PPFIA1: variants seen among roughly 807,000 people sequenced by gnomAD.
PPFIA1 encodes the protein PPFI scaffold protein A1, also known as liprin-alpha-1.
Under a neutral mutation model 149.9 loss-of-function variants are expected in PPFIA1, and 25 were observed. The observed-to-expected ratio is 0.17, with a 90% CI of 0.12 to 0.23. The LOEUF is 0.23. PPFIA1 is among the 10% of genes least tolerant of loss of function. The pLI is 1.00. For missense variants in PPFIA1, 1,362 were observed against 1,506.5 expected (o/e 0.90, Z 1.59); for synonymous variants, 549 against 552.8 (o/e 0.99, Z 0.10).
intron 2 of PPFIA1, among the ~76,000 whole-genome samples, chr11:70,314,887 G>T (rs1399766410): frequency 6.6e-6 from 1 of 152,164 alleles, no homozygotes; most frequent in Non-Finnish European, 1.5e-5. Flanking sequence ...CCGCATGGCT[G>T]GGGAGGCCTC....
At chr11:70,337,510 T>C (rs1040794398) in intron 12 of PPFIA1, 83 bp downstream of exon 12, 2 of 1,070,018 alleles carry the variant, frequency 1.9e-6, no homozygotes, top group African/African-American at 1.7e-5. Flanking sequence ...TGTCTGACAG[T>C]GGAGAGCAGC....
At chr11:70,321,628 G>GAA (rs2053947683) in intron 2 of PPFIA1, among the ~76,000 whole-genome samples, 1 of 152,126 alleles carries the variant, frequency 6.6e-6, no homozygotes, top group South Asian at 2.1e-4. Flanking sequence ...AAAAGAAAAA[G>GAA]AAAAAGGAAG....
At chr11:70,330,021 A>T in intron 7 of PPFIA1, 152 bp from the exon 8 acceptor site, 3 of 633,796 alleles carry the variant, frequency 4.7e-6, no homozygotes, top group Non-Finnish European at 7.8e-6. Context: ...TGCTGTGATT[A>T]TAGGAGTGAG....
chr11:70,370,474 C>T, intron 21 of PPFIA1, among the ~76,000 whole-genome samples: 1 of 151,720 alleles, frequency 6.6e-6, no homozygotes. Context: ...GCAACCTCCA[C>T]CTCCTGGGTT....
intron 14 of PPFIA1, chr11:70,341,061 G>T (rs2055300663): frequency 2.9e-6 from 1 of 345,114 alleles, no homozygotes; most frequent in South Asian, 2.0e-5. Flanking sequence ...GTTCATTTGA[G>T]TGAGGTGCTG....
At chr11:70,353,548 A>G (rs1404668710) in intron 16 of PPFIA1, among the ~76,000 whole-genome samples, 1 of 152,202 alleles carries the variant, frequency 6.6e-6, no homozygotes, top group East Asian at 1.9e-4. Flanking sequence ...ACTGTTGTTA[A>G]CCACCATCCT....
At chr11:70,332,168 A>G in intron 9 of PPFIA1, 74 bp downstream of exon 9, 1 of 1,478,234 alleles carries the variant, frequency 6.8e-7, no homozygotes. Flanking sequence ...CTTGTTTGTC[A>G]CTGTTCTTAT....
intron 2 of PPFIA1, among the ~76,000 whole-genome samples, chr11:70,315,206 T>C (rs1440661524): frequency 6.6e-6 from 1 of 152,228 alleles, no homozygotes; most frequent in African/African-American, 2.4e-5. Context: ...ACGCAAATAT[T>C]GTCCAGTGAT....
rs2056332252 is a variant in PPFIA1 at position 70,355,820 on chromosome 11, GT to G, written c.2488+13del. The G allele has an allele frequency of 6.2e-7, 1 of 1,604,834 alleles. No homozygotes were observed. Among genetic ancestry groups the G allele is most frequent in the African/African-American group, 1.3e-5 (1 of 74,446 alleles). On this transcript the variant is annotated intron_variant, in intron 18 of 27. Transcript: ENST00000253925. ...AGAAGCATTAGGACAAGGTTGGTTG[GT>G]TTTCCGCACCCTTCTCAGCACCCAG... is the stretch of plus-strand genomic sequence containing the variant.
chr11:70,290,637 G>A (rs951774655), intron 2 of PPFIA1, among the ~76,000 whole-genome samples: 1 of 152,158 alleles, frequency 6.6e-6, no homozygotes, highest in Non-Finnish European at 1.5e-5. Context: ...TTTTCACAGA[G>A]TCTCATTCTT....
At chr11:70,276,550 G>A (rs761292844) in intron 2 of PPFIA1, among the ~76,000 whole-genome samples, 1 of 152,038 alleles carries the variant, frequency 6.6e-6, no homozygotes, top group Non-Finnish European at 1.5e-5. Context: ...AAAACAAGGT[G>A]GAATGTATTC....
chr11:70,352,168 A>G (rs1208311065), intron 16 of PPFIA1, among the ~76,000 whole-genome samples: 1 of 152,148 alleles, frequency 6.6e-6, no homozygotes, highest in African/African-American at 2.4e-5. Flanking sequence ...CTGTTGAGTG[A>G]TTTAGTGAAA....
intron 4 of PPFIA1, 109 bp from the exon 5 acceptor site, chr11:70,325,391 T>G (rs1304564028): frequency 6.8e-6 from 4 of 585,164 alleles, no homozygotes; most frequent in Non-Finnish European, 1.1e-5. Context: ...TATTATGTTA[T>G]ATTACACTAA....
chr11:70,352,538 G>T (rs1381644514), intron 16 of PPFIA1, among the ~76,000 whole-genome samples: 3 of 152,058 alleles, frequency 2.0e-5, no homozygotes, highest in Non-Finnish European at 4.4e-5. Context: ...CCTAGGCCTC[G>T]GGTGGTTGTG....
chr11:70,356,094 C>T (rs1253985513), intron 18 of PPFIA1, 67 bp from the exon 19 acceptor site: 3 of 1,248,362 alleles, frequency 2.4e-6, no homozygotes, highest in Non-Finnish European at 3.5e-6. Flanking sequence ...ATTCATCTGC[C>T]TATTTATGAA....
chr11:70,343,333 A>G (rs1181143358), intron 14 of PPFIA1, among the ~76,000 whole-genome samples: 3 of 152,190 alleles, frequency 2.0e-5, no homozygotes, highest in Non-Finnish European at 4.4e-5. Flanking sequence ...ATTTGCAGCC[A>G]TTGATCAGCC....
intron 14 of PPFIA1, 32 bp downstream of exon 14, chr11:70,339,338 C>A (rs763204340): frequency 1.3e-6 from 2 of 1,595,276 alleles, no homozygotes; most frequent in Non-Finnish European, 1.7e-6. Flanking sequence ...CCTCTGCTTA[C>A]GTGAAAGTTA....
intron 2 of PPFIA1, among the ~76,000 whole-genome samples, chr11:70,290,365 C>G (rs1310223128): frequency 6.6e-6 from 1 of 152,194 alleles, no homozygotes; most frequent in Non-Finnish European, 1.5e-5. Context: ...GGGGTGAGGA[C>G]GTGTCTGGTT....
chr11:70,375,182 A>T lies in PPFIA1; in HGVS notation c.3315+89A>T, dbSNP rs1490025634. 1.1e-4 allele frequency: 17 copies of T among 152,464 alleles called. No individual in the cohort carries two copies. The East Asian group carries it at 2.5e-3, about 23-fold the overall frequency. 9.4% of individuals were successfully genotyped at this position (152,464 alleles called of 1,614,324 possible). ...AGTTATTCGAATAGAAAGAAACTTT[A>T]AAAAAAAAAAAAAAAAAAAACTTCA... is the stretch of plus-strand genomic sequence containing the variant. On this transcript the variant is annotated intron_variant, in intron 24 of 27. Coordinates refer to ENST00000253925, the MANE Select transcript of PPFIA1 (RefSeq NM_003626.5).
Sources: allele counts gnomAD v4.1 joint callset (sites outside exome capture counted in the v4.1 genomes callset), GRCh38; gene constraint gnomAD v4.1.1; transcripts MANE v1.5; gene names NCBI Gene and HGNC (gene_info 2026-07-23, HGNC 2026-07-21).